TPRA1: variants seen among roughly 807,000 people sequenced by gnomAD.
TPRA1 encodes transmembrane protein adipocyte associated 1.
In TPRA1, 28 loss-of-function variants were observed where a neutral mutation model predicts 40.1. The observed-to-expected ratio is 0.70, with a 90% CI of 0.52 to 0.96. The LOEUF is 0.96. Ranked by LOEUF, TPRA1 falls within the 40% of genes least tolerant of loss-of-function variation. TPRA1 has a pLI of 0.00. For synonymous variants in TPRA1, 219 were observed against 209.7 expected (o/e 1.04, Z -0.38); for missense variants, 441 against 482.6 (o/e 0.91, Z 0.81).
chr3:127,576,804 C>T lies in TPRA1; in HGVS notation c.418+17G>A, dbSNP rs1161567853. The T allele has an allele frequency of 1.9e-6, 3 of 1,613,876 alleles. No individual in the cohort carries two copies. The Admixed American group carries it at 5.0e-5, about 27-fold the overall frequency. ...GGAGAGCATCGCCAGGGCCCAAGAG[C>T]CCAGCGGTACACACACCAAAGGCCA... is the stretch of plus-strand genomic sequence containing the variant. On this transcript the variant is annotated intron_variant, in intron 5 of 10. Coordinates refer to ENST00000355552, the MANE Select transcript of TPRA1 (RefSeq NM_001136053.4). This position sits in a 1 kb window ranked among gnomAD's most constrained non-coding sequence, Gnocchi z 4.6.
chr3:127,580,645 G>A (rs955192160), intron 1 of TPRA1, among the ~76,000 whole-genome samples: 3 of 152,230 alleles, frequency 2.0e-5, no homozygotes, highest in Non-Finnish European at 4.4e-5. Flanking sequence ...TCTTGGTAGC[G>A]GTCAGCCATG....
At chr3:127,598,227 A>G, upstream of TPRA1, 2 of 601,706 alleles carry the variant, frequency 3.3e-6, no homozygotes, top group Non-Finnish European at 5.9e-6. Flanking sequence ...AGCGCAGGCG[A>G]GCGCACGCGC....
chr3:127,573,694 G>A lies in TPRA1; in HGVS notation c.949C>T (p.Arg317Trp), dbSNP rs201858975. Residue 317 changes from arginine (R) to tryptophan (W), a missense_variant, in exon 11 of 11, where the codon CGG (arginine) becomes TGG (tryptophan). Arg to Trp is a moderately radical substitution (Grantham distance 101). Transcript: ENST00000355552. ...GCCCCTGCAGCCTCCAGGCCCTCCCGCCGGGCCACAGCGTAGGGCTGGGGT... is the reference window on the plus strand; with the variant it reads ...GCCCCTGCAGCCTCCAGGCCCTCCCACCGGGCCACAGCGTAGGGCTGGGGT... ...HLPQPYAVAR[R>W]EGLEAAGAAG... 25 of 1,613,344 alleles carry A rather than the reference G, an allele frequency of 1.5e-5. No individual in the cohort carries two copies. The highest frequency in any genetic ancestry group is 1.6e-4 in the Middle Eastern group (1 of 6,082).
upstream of TPRA1, among the ~76,000 whole-genome samples, chr3:127,592,684 C>T (rs1418536973): frequency 3.3e-5 from 5 of 152,176 alleles, no homozygotes; most frequent in Admixed American, 2.6e-4. Context: ...CGCGCCCGGC[C>T]GCAACATGCT....
intron 1 of TPRA1, among the ~76,000 whole-genome samples, chr3:127,584,663 G>A (rs1306983612): frequency 1.3e-5 from 2 of 151,896 alleles, no homozygotes; most frequent in African/African-American, 4.8e-5. Context: ...CAGCTTCCCT[G>A]CAACTGGGTG....
At chr3:127,593,276 G>C (rs1376002966), upstream of TPRA1, among the ~76,000 whole-genome samples, 1 of 152,154 alleles carries the variant, frequency 6.6e-6, no homozygotes, top group Non-Finnish European at 1.5e-5. Flanking sequence ...CCTACAGCAG[G>C]CTCAGGGGTG....
At chr3:127,592,411 C>A (rs191827220), upstream of TPRA1, among the ~76,000 whole-genome samples, 52 of 131,282 alleles carry the variant, frequency 4.0e-4, no homozygotes, top group East Asian at 0.012. Context: ...CGGAGTCTCG[C>A]TCTGTCGCCC....
intron 1 of TPRA1, chr3:127,580,426 C>T (rs1366480308): frequency 9.6e-6 from 4 of 418,556 alleles, no homozygotes; most frequent in Non-Finnish European, 1.8e-5. Flanking sequence ...TAAGCATCTC[C>T]ATGTGCAAGG....
chr3:127,589,974 T>C (rs1357434089), intron 1 of TPRA1, among the ~76,000 whole-genome samples: 2 of 152,194 alleles, frequency 1.3e-5, no homozygotes, highest in African/African-American at 2.4e-5. Context: ...GGCTTCGACA[T>C]GGCCCCCTCA....
upstream of TPRA1, among the ~76,000 whole-genome samples, chr3:127,593,354 A>G (rs2074209133): frequency 6.6e-6 from 1 of 152,196 alleles, no homozygotes; most frequent in Admixed American, 6.5e-5. Flanking sequence ...GATGACAGCA[A>G]TCCCCAGATA....
At chr3:127,592,388 T>C (rs2074192377), upstream of TPRA1, among the ~76,000 whole-genome samples, 2 of 142,670 alleles carry the variant, frequency 1.4e-5, no homozygotes, top group African/African-American at 5.2e-5. Flanking sequence ...TTTTTTTTTT[T>C]TTTTTTTTGA....
At chr3:127,589,218 G>C (rs965059872) in intron 1 of TPRA1, among the ~76,000 whole-genome samples, 1 of 142,790 alleles carries the variant, frequency 7.0e-6, no homozygotes, top group East Asian at 2.4e-4. Context: ...TCATGGTCAC[G>C]CAATGCAGGA....
chr3:127,584,238 G>C (rs2073927659), intron 1 of TPRA1, among the ~76,000 whole-genome samples: 1 of 149,400 alleles, frequency 6.7e-6, no homozygotes, highest in Admixed American at 6.6e-5. Flanking sequence ...CCAGGAGTTT[G>C]AGACCAGCCT....
chr3:127,592,196 G>A (rs1480008150), upstream of TPRA1, among the ~76,000 whole-genome samples: 3 of 152,024 alleles, frequency 2.0e-5, no homozygotes, highest in Non-Finnish European at 2.9e-5. Context: ...ATTGGCCACC[G>A]CTTCTAGCCT....
intron 1 of TPRA1, chr3:127,588,048 G>A (rs1051243101): frequency 2.0e-5 from 3 of 152,316 alleles, no homozygotes; most frequent in African/African-American, 7.2e-5. Flanking sequence ...TGCACGTGGA[G>A]CTCAGAGGGG....
In TPRA1 at chr3:127,576,644, C is replaced by G. The variant is rs1379618385; in HGVS notation, c.471G>C (p.Val157=). Residue 157 remains valine, a synonymous_variant, in exon 6 of 11, where the codon GTG becomes GTC. Coordinates refer to ENST00000355552, the MANE Select transcript of TPRA1 (RefSeq NM_001136053.4). The surrounding 1 kb of genome is among the most constrained non-coding windows in gnomAD (Gnocchi z 4.6). ...SIKRVLAITT[V]LSLAYSVTQG... ...GGGTGACAGAGTAGGCCAGGGACAG[C>G]ACTGTGGTGATGGCCAGCACCCGCT... The G allele has an allele frequency of 6.2e-7, 1 of 1,609,914 alleles. No homozygotes were observed. Among genetic ancestry groups the G allele is most frequent in the Admixed American group, 1.7e-5 (1 of 59,676 alleles).
At chr3:127,592,092 C>T (rs1466803421), upstream of TPRA1, 1 of 152,220 alleles carries the variant, frequency 6.6e-6, no homozygotes, top group Non-Finnish European at 1.5e-5. Context: ...CCTGCGTAAT[C>T]ACGAATGACC....
At position 127,573,234 on chromosome 3, in the gene TPRA1, T is replaced by G. The variant is rs1576359697; in HGVS notation, c.*287A>C. On this transcript the variant is annotated 3_prime_UTR_variant, in exon 11 of 11. Coordinates refer to ENST00000355552, the MANE Select transcript of TPRA1 (RefSeq NM_001136053.4). The stretch of plus-strand genomic sequence containing the variant: ...GTGCCAAGGGTGCAGAGAAGGAGGG[T>G]GCCCTCAGCCAACCTTGCCAAGCAT... The G allele has an allele frequency of 2.8e-6, 1 of 359,900 alleles. No homozygotes were observed. Among genetic ancestry groups the G allele is most frequent in the Non-Finnish European group, 5.1e-6 (1 of 196,742 alleles). The allele number at this position is 359,900 out of a possible 1,614,324, so 22.3% of individuals were successfully genotyped here. A position where few individuals can be genotyped will look rare whatever the true frequency, so the allele number is the denominator to read the frequency against.
At chr3:127,598,039 C>G (rs1173429735) in exon 1 of TPRA1, 1 of 279,680 alleles carries the variant, frequency 3.6e-6, no homozygotes, top group East Asian at 1.4e-4. Context: ...AACTCCTGAG[C>G]TTGTGATCCG....
Sources: gnomAD v4.1 joint callset for allele counts (sites outside exome capture counted in the v4.1 genomes callset) on GRCh38, gnomAD v4.1.1 for gene constraint, Gnocchi (gnomAD v3.1) non-coding constraint, MANE v1.5 for transcripts, NCBI Gene and HGNC (gene_info 2026-07-23, HGNC 2026-07-21) for gene names.